The following PTDSS1 variants were observed in gnomAD, a reference collection of about 807,000 sequenced individuals.
The protein encoded by PTDSS1 is phosphatidylserine synthase 1.
A neutral mutation model predicts 70.5 loss-of-function variants in PTDSS1; 45 were observed. The ratio of observed to expected loss-of-function variants is 0.64; its 90% CI spans 0.50 to 0.82. PTDSS1 has a LOEUF of 0.82. Among genes scored for constraint, PTDSS1 ranks in the 40% least tolerant of loss-of-function variants. The pLI is 0.00. For synonymous variants in PTDSS1, 188 were observed against 203.8 expected, an observed-to-expected ratio of 0.92 and a Z score of 0.66; for missense variants, 417 against 586.1, an observed-to-expected ratio of 0.71 and a Z score of 2.98.
At chr8:96,275,760 G>A (rs1810632120) in intron 2 of PTDSS1, among the ~76,000 whole-genome samples, 1 of 152,140 alleles carries the variant, frequency 6.6e-6, no homozygotes, top group Admixed American at 6.6e-5. Flanking sequence ...ACATGACTAG[G>A]TGACTATTCA....
intron 9 of PTDSS1, among the ~76,000 whole-genome samples, chr8:96,310,913 G>C (rs372710077): frequency 2.0e-4 from 30 of 151,932 alleles, no homozygotes; most frequent in Non-Finnish European, 3.1e-4. Context: ...CTACAGGCGC[G>C]TGCCACCACA....
chr8:96,261,923 T>A lies in PTDSS1; in HGVS notation c.-118T>A. 3.6e-6 allele frequency: 4 copies of A among 1,112,642 alleles called. No homozygotes were observed. The highest frequency in any genetic ancestry group is 5.0e-6 in the Non-Finnish European group (4 of 797,386). 68.9% of individuals were successfully genotyped at this position (1,112,642 alleles called of 1,614,324 possible). On this transcript the variant is annotated 5_prime_UTR_variant, in exon 1 of 13. Transcript: ENST00000517309. Reference sequence around the variant, plus strand: ...CCTTCCCTCTGCTCCCAGCCTTTGCTGGGCGCCAGACCCGGCTTTGCCGTC... The same window carrying A: ...CCTTCCCTCTGCTCCCAGCCTTTGCAGGGCGCCAGACCCGGCTTTGCCGTC...
At chr8:96,300,349 C>T (rs541822172) in intron 6 of PTDSS1, among the ~76,000 whole-genome samples, 16 of 152,240 alleles carry the variant, frequency 1.1e-4, no homozygotes, top group Non-Finnish European at 2.4e-4. Flanking sequence ...CCCAGGCAAC[C>T]GAGAGTCTGT....
chr8:96,286,321 G>T (rs1159766285), intron 3 of PTDSS1, among the ~76,000 whole-genome samples: 2 of 152,200 alleles, frequency 1.3e-5, no homozygotes, highest in African/African-American at 4.8e-5. Context: ...TTCTAAAAGT[G>T]CATTGTTAAC....
chr8:96,293,301 G>T (rs1228994656), intron 4 of PTDSS1, among the ~76,000 whole-genome samples: 1 of 152,246 alleles, frequency 6.6e-6, no homozygotes, highest in Non-Finnish European at 1.5e-5. Flanking sequence ...ACAACCTGGG[G>T]AGGTAAAGTG....
Position 96,262,266 on chromosome 8 carries a change from G to GAGGC in PTDSS1, c.179+48_179+51dup. 1 of 1,508,000 alleles carries GAGGC rather than the reference G, an allele frequency of 6.6e-7. No homozygotes were observed. The highest frequency in any genetic ancestry group is 1.4e-5 in the African/African-American group (1 of 71,722). 93.4% of individuals were successfully genotyped at this position (1,508,000 alleles called of 1,614,324 possible). A position where few individuals can be genotyped will look rare whatever the true frequency, so the allele number is the denominator to read the frequency against. Reference sequence around the variant, plus strand: ...GGGGGCGCGTCCAAGGGCTAGGGAAGAGGCGGGAGGGAGGGTGGCGGGGAG... The same window carrying GAGGC: ...GGGGGCGCGTCCAAGGGCTAGGGAAGAGGCAGGCGGGAGGGAGGGTGGCGGGGAG... On this transcript the variant is annotated intron_variant, in intron 1 of 12. Coordinates refer to ENST00000517309, the MANE Select transcript of PTDSS1 (RefSeq NM_014754.3). This position sits in a 1 kb window ranked among gnomAD's most constrained non-coding sequence, Gnocchi z 4.4.
chr8:96,272,441 T>C (rs879403694), intron 1 of PTDSS1, among the ~76,000 whole-genome samples: 19 of 152,202 alleles, frequency 1.2e-4, no homozygotes, highest in Admixed American at 5.9e-4. Flanking sequence ...AACCTACATA[T>C]TGTGTGTCCT....
chr8:96,335,628 G>A lies in PTDSS1; in HGVS notation c.*2062G>A, dbSNP rs1396491570. 1 of 152,168 alleles carries A rather than the reference G, an allele frequency of 6.6e-6. No homozygotes were observed. The highest frequency in any genetic ancestry group is 1.5e-5 in the Non-Finnish European group (1 of 68,032). The allele number at this position is 152,168 out of a possible 1,614,324, so 9.4% of individuals were successfully genotyped here. On this transcript the variant is annotated 3_prime_UTR_variant, in exon 13 of 13. Coordinates refer to ENST00000517309, the MANE Select transcript of PTDSS1 (RefSeq NM_014754.3). Reference sequence around the variant, plus strand: ...TTTCTCCATGGCTTTGTAAGAAACAGCCAGGAAAGTTCTCAGATACTTTCC... The same window carrying A: ...TTTCTCCATGGCTTTGTAAGAAACAACCAGGAAAGTTCTCAGATACTTTCC...
At chr8:96,281,928 G>T (rs1450248835) in intron 2 of PTDSS1, among the ~76,000 whole-genome samples, 1 of 152,148 alleles carries the variant, frequency 6.6e-6, no homozygotes, top group Non-Finnish European at 1.5e-5. Context: ...CACTGTGTGG[G>T]GGTGTCTCAT....
intron 6 of PTDSS1, 94 bp from the exon 7 acceptor site, chr8:96,303,946 A>G (rs1386268017): frequency 4.4e-5 from 58 of 1,319,506 alleles, no homozygotes; most frequent in Non-Finnish European, 5.5e-5. Context: ...AGCATTTATT[A>G]TAAAAATCAT....
In PTDSS1 at chr8:96,309,512, T is replaced by A. The variant is rs918583936; in HGVS notation, c.1008-45T>A. The A allele has an allele frequency of 1.2e-5, 18 of 1,561,438 alleles. No homozygotes were observed. The Admixed American group carries it at 2.2e-4, about 19-fold the overall frequency. On this transcript the variant is annotated intron_variant, in intron 8 of 12. Transcript: ENST00000517309. Reference sequence around the variant, plus strand: ...GTGATTTAATTATGTGCTGACTTGCTGGTCTTCCAGCAGCTCTCAATGAAT... The same window carrying A: ...GTGATTTAATTATGTGCTGACTTGCAGGTCTTCCAGCAGCTCTCAATGAAT...
chr8:96,262,304 T>G lies in PTDSS1; in HGVS notation c.179+85T>G. ...GGGTGGCGGGGAGGGGGGCCCGGCA[T>G]GGCTCTGGGTGAGGAAGTGGGCTGG... On this transcript the variant is annotated intron_variant, in intron 1 of 12. Transcript: ENST00000517309. This position sits in a 1 kb window ranked among gnomAD's most constrained non-coding sequence, Gnocchi z 4.4. 1 of 1,449,812 alleles carries G rather than the reference T, an allele frequency of 6.9e-7. No homozygotes were observed. The highest frequency in any genetic ancestry group is 1.3e-5 in the South Asian group (1 of 77,866). The allele number at this position is 1,449,812 out of a possible 1,614,324, so 89.8% of individuals were successfully genotyped here.
intron 1 of PTDSS1, among the ~76,000 whole-genome samples, chr8:96,264,930 A>C (rs1160529795): frequency 6.6e-6 from 1 of 152,224 alleles, no homozygotes; most frequent in African/African-American, 2.4e-5. Context: ...ATAATGAAGA[A>C]CTAATTAATA....
At chr8:96,297,151 C>A (rs1019120841) in intron 5 of PTDSS1, among the ~76,000 whole-genome samples, 12 of 152,314 alleles carry the variant, frequency 7.9e-5, no homozygotes, top group African/African-American at 2.9e-4. Flanking sequence ...AAGGCTCTTT[C>A]CTACTCAGAG....
At chr8:96,327,858 G>A (rs758188318) in intron 10 of PTDSS1, among the ~76,000 whole-genome samples, 12 of 152,124 alleles carry the variant, frequency 7.9e-5, no homozygotes, top group Non-Finnish European at 1.3e-4. Context: ...TTCTTTAAAC[G>A]AAGTGTGCAA....
chr8:96,310,332 G>A (rs190782836), intron 9 of PTDSS1, among the ~76,000 whole-genome samples: 3 of 151,270 alleles, frequency 2.0e-5, no homozygotes, highest in African/African-American at 4.8e-5. Context: ...ACCCTACTAA[G>A]TTTTGTATTT....
rs991839554 is a variant in PTDSS1 at position 96,332,038 on chromosome 8, A to G, written c.1312+943A>G. ...CTCTTAAAAAAAAAAAAAAAAAAAA[A>G]AAAAAAAAAGGTACTGTGTATCAGG... On this transcript the variant is annotated intron_variant, in intron 12 of 12. Coordinates refer to ENST00000517309, the MANE Select transcript of PTDSS1 (RefSeq NM_014754.3). 2.2e-3 allele frequency among the ~76,000 whole-genome samples: 340 copies of G among 151,408 alleles called. 3 individuals are homozygous for G. The highest frequency in any genetic ancestry group is 3.8e-3 in the Non-Finnish European group (258 of 67,746).
chr8:96,285,098 G>A (rs1262014062), intron 3 of PTDSS1, among the ~76,000 whole-genome samples: 1 of 152,230 alleles, frequency 6.6e-6, no homozygotes, highest in Non-Finnish European at 1.5e-5. Context: ...GCTATCTGGA[G>A]TTAGTAGGAA....
chr8:96,331,050 A>G lies in PTDSS1; in HGVS notation c.1267A>G (p.Thr423Ala), dbSNP rs1563588044. 6.2e-7 allele frequency: 1 copy of G among 1,613,624 alleles called. No individual in the cohort carries two copies. The highest frequency in any genetic ancestry group is 1.6e-4 in the Middle Eastern group (1 of 6,062). Residue 423 changes from threonine (T) to alanine (A), a missense_variant, in exon 12 of 13, where the codon ACC becomes GCC. By Grantham distance (58) the Thr-to-Ala change is moderately conservative. Around this residue, in one of 3 missense-constraint regions of PTDSS1, gnomAD observed 107 missense variants for 122.3 expected, o/e 0.88. Coordinates refer to ENST00000517309, the MANE Select transcript of PTDSS1 (RefSeq NM_014754.3). ...EKTYSECEDG[T>A]YSPEISWHHR... ...GACCTACTCGGAGTGTGAAGATGGC[A>G]CCTACAGTCCAGAGATCTCCTGGCA... is the stretch of plus-strand genomic sequence containing the variant.
Sources: gnomAD v4.1 joint callset for allele counts (sites outside exome capture counted in the v4.1 genomes callset) on GRCh38, gnomAD v4.1.1 for gene constraint, gnomAD v4.1.1 regional missense constraint, Gnocchi (gnomAD v3.1) non-coding constraint, MANE v1.5 for transcripts, NCBI Gene and HGNC (gene_info 2026-07-23, HGNC 2026-07-21) for gene names.